Variants in BOLL observed in about 807,000 individuals in gnomAD.
BOLL encodes boule RNA binding protein.
Under a neutral mutation model 44.4 loss-of-function variants are expected in BOLL, and 23 were observed. The ratio of observed to expected loss-of-function variants is 0.52; its 90% CI spans 0.37 to 0.73. The LOEUF (loss-of-function observed/expected upper bound fraction) is 0.73, where lower values mean the gene tolerates loss of function less well. Among genes scored for constraint, BOLL ranks in the 30% least tolerant of loss-of-function variants. The probability of loss-of-function intolerance (pLI) is 0.00; values close to 1 mark genes in which losing one functional copy is unlikely to be tolerated. For missense variants in BOLL, 287 were observed against 338.3 expected (o/e 0.85, Z 1.19); for synonymous variants, 97 against 110.8 (o/e 0.88, Z 0.78).
chr2:197,757,046 A>C (rs1391646688), intron 8 of BOLL, among the ~76,000 whole-genome samples: 1 of 152,150 alleles, frequency 6.6e-6, no homozygotes, highest in East Asian at 1.9e-4. Flanking sequence ...AAAAATGCTA[A>C]ATTTTCAAAT....
intron 10 of BOLL, 74 bp downstream of exon 10, chr2:197,742,987 C>G: frequency 1.7e-6 from 2 of 1,210,066 alleles, no homozygotes; most frequent in Non-Finnish European, 1.1e-6. Flanking sequence ...TTGTTCCTTT[C>G]TAGAAGAGAA....
intron 10 of BOLL, among the ~76,000 whole-genome samples, chr2:197,737,129 T>G (rs1687528771): frequency 6.8e-6 from 1 of 147,256 alleles, no homozygotes; most frequent in East Asian, 1.9e-4. Flanking sequence ...AAAGATCTAT[T>G]ACTGAGAACA....
intron 9 of BOLL, among the ~76,000 whole-genome samples, chr2:197,746,848 C>A (rs182278626): frequency 6.8e-6 from 1 of 148,000 alleles, no homozygotes; most frequent in Non-Finnish European, 1.5e-5. Flanking sequence ...TGCAGTGAGC[C>A]GAGATCATGC....
intron 10 of BOLL, among the ~76,000 whole-genome samples, chr2:197,731,727 C>A (rs966862160): frequency 6.6e-6 from 1 of 151,814 alleles, no homozygotes; most frequent in South Asian, 2.1e-4. Flanking sequence ...GGGTACATAA[C>A]AAAATGAAGG....
At chr2:197,761,044 G>C (rs1465957280) in intron 7 of BOLL, among the ~76,000 whole-genome samples, 1 of 152,136 alleles carries the variant, frequency 6.6e-6, no homozygotes, top group African/African-American at 2.4e-5. Flanking sequence ...CACAAGGCCA[G>C]GTGTGGTGGC....
intron 9 of BOLL, among the ~76,000 whole-genome samples, chr2:197,753,841 G>C (rs1027581315): frequency 7.2e-5 from 11 of 152,300 alleles, no homozygotes; most frequent in African/African-American, 2.6e-4. Context: ...GCACATGTAT[G>C]TTTATTGCAG....
chr2:197,781,712 A>G lies in BOLL; in HGVS notation c.129+10T>C. On this transcript the variant is annotated intron_variant, in intron 2 of 10. Transcript: ENST00000392296. ...AAAAAATACACTTTACTGCATGCAT[A>G]AATAGGTACCTTAAAATCAATTCCT... 6.5e-7 allele frequency: 1 copy of G among 1,530,710 alleles called. No individual in the cohort carries two copies. Among genetic ancestry groups the G allele is most frequent in the Non-Finnish European group, 8.9e-7 (1 of 1,126,044 alleles). The allele number at this position is 1,530,710 out of a possible 1,614,324, so 94.8% of individuals were successfully genotyped here. A position where few individuals can be genotyped will look rare whatever the true frequency, so the allele number is the denominator to read the frequency against.
intron 10 of BOLL, among the ~76,000 whole-genome samples, chr2:197,742,568 A>G (rs1687795901): frequency 6.6e-6 from 1 of 152,160 alleles, no homozygotes; most frequent in South Asian, 2.1e-4. Flanking sequence ...GCAAGGACAA[A>G]AAACCAAACA....
intron 2 of BOLL, 89 bp downstream of exon 2, chr2:197,781,633 G>A: frequency 8.3e-7 from 1 of 1,206,402 alleles, no homozygotes; most frequent in Non-Finnish European, 1.1e-6. Flanking sequence ...ATGCAAATAT[G>A]TTATTTTATA....
In BOLL at chr2:197,768,873, G is replaced by A. The variant is rs1209767238; in HGVS notation, c.481-2270C>T. Among the ~76,000 whole-genome samples the A allele has an allele frequency of 3.3e-5, 5 of 150,220 alleles. No individual in the cohort carries two copies. The Admixed American group carries it at 3.3e-4, about 10-fold the overall frequency. On this transcript the variant is annotated intron_variant, in intron 6 of 10. Transcript: ENST00000392296. ...TTATTGAGAGTTTTTAGCATGAAGG[G>A]CTGTTGAATTTTGTCGAAGGCCTTT...
intron 6 of BOLL, among the ~76,000 whole-genome samples, chr2:197,769,954 C>T (rs1689163346): frequency 6.6e-6 from 1 of 152,074 alleles, no homozygotes; most frequent in Non-Finnish European, 1.5e-5. Context: ...CAATGCCATC[C>T]CCATCAAGCT....
At chr2:197,766,165 T>C (rs994535250) in intron 7 of BOLL, among the ~76,000 whole-genome samples, 1 of 152,174 alleles carries the variant, frequency 6.6e-6, no homozygotes, top group African/African-American at 2.4e-5. Flanking sequence ...TGTGTCTTTA[T>C]GGTAGAATGA....
At chr2:197,733,936 G>T (rs1031505164) in intron 10 of BOLL, among the ~76,000 whole-genome samples, 1 of 152,086 alleles carries the variant, frequency 6.6e-6, no homozygotes, top group Non-Finnish European at 1.5e-5. Flanking sequence ...CAAAAGCCAT[G>T]GCAACAAAAG....
At chr2:197,747,803 G>A (rs571303184) in intron 9 of BOLL, among the ~76,000 whole-genome samples, 13 of 152,154 alleles carry the variant, frequency 8.5e-5, no homozygotes, top group Non-Finnish European at 1.8e-4. Flanking sequence ...CCATGCACAT[G>A]GTACTGGTAC....
chr2:197,757,699 A>G (rs1410079392), intron 7 of BOLL, among the ~76,000 whole-genome samples: 1 of 152,190 alleles, frequency 6.6e-6, no homozygotes, highest in Non-Finnish European at 1.5e-5. Context: ...GTTAAATTAG[A>G]TTTCATCAAA....
intron 7 of BOLL, among the ~76,000 whole-genome samples, chr2:197,763,364 C>T (rs2106361951): frequency 1.3e-5 from 2 of 151,432 alleles, no homozygotes; most frequent in Admixed American, 1.3e-4. Context: ...CGCCTGTAGT[C>T]CCAGCTACTC....
In BOLL at chr2:197,728,289, G is replaced by A. The variant is rs1383726588; in HGVS notation, c.*266C>T. ...ATTATTTATGGAATGGATAAAACAT[G>A]TTGTAGAAAAGGTCATTACAGTTAG... On this transcript the variant is annotated 3_prime_UTR_variant, in exon 11 of 11. Coordinates refer to ENST00000392296, the MANE Select transcript of BOLL (RefSeq NM_033030.6). The A allele has an allele frequency of 4.0e-6, 2 of 504,038 alleles. No homozygotes were observed. The highest frequency in any genetic ancestry group is 7.0e-6 in the Non-Finnish European group (2 of 285,362). The allele number at this position is 504,038 out of a possible 1,614,324, so 31.2% of individuals were successfully genotyped here. A position where few individuals can be genotyped will look rare whatever the true frequency, so the allele number is the denominator to read the frequency against.
At chr2:197,763,228 ATC>A (rs1688838817) in intron 7 of BOLL, among the ~76,000 whole-genome samples, 1 of 152,170 alleles carries the variant, frequency 6.6e-6, no homozygotes, top group Non-Finnish European at 1.5e-5. Flanking sequence ...GACGCCTGTA[ATC>A]CCAGCACTTT....
In BOLL at chr2:197,771,841, A is replaced by G; in HGVS notation, c.480+14T>C. On this transcript the variant is annotated intron_variant, in intron 6 of 10. Coordinates refer to ENST00000392296, the MANE Select transcript of BOLL (RefSeq NM_033030.6). ...GTAATAGATGGAAATCCTTTTTTAA[A>G]TGAAATTACTTACAGGCCAAGGCGG... 1.3e-6 allele frequency: 2 copies of G among 1,549,902 alleles called. No individual in the cohort carries two copies. Among genetic ancestry groups the G allele is most frequent in the Non-Finnish European group, 1.7e-6 (2 of 1,151,216 alleles).
Sources: allele counts gnomAD v4.1 joint callset (sites outside exome capture counted in the v4.1 genomes callset), GRCh38; gene constraint gnomAD v4.1.1; transcripts MANE v1.5; gene names NCBI Gene and HGNC (gene_info 2026-07-23, HGNC 2026-07-21).